Variants in ZSCAN5A observed in about 807,000 individuals in gnomAD.
ZSCAN5A encodes zinc finger and SCAN domain containing 5A.
A neutral mutation model predicts 23.7 loss-of-function variants in ZSCAN5A; 12 were observed. The observed-to-expected ratio is 0.51, with a 90% CI of 0.32 to 0.82. The LOEUF (loss-of-function observed/expected upper bound fraction) is 0.82. Ranked by LOEUF, ZSCAN5A falls within the 40% of genes least tolerant of loss-of-function variation. The pLI is 0.03. For missense variants in ZSCAN5A, 597 were observed against 617.9 expected (o/e 0.97, Z 0.36); for synonymous variants, 257 against 239.9 (o/e 1.07, Z -0.66).
At chr19:56,355,087 C>CA (rs2041693152) in intron 2 of ZSCAN5A, among the ~76,000 whole-genome samples, 6 of 149,718 alleles carry the variant, frequency 4.0e-5, no homozygotes, top group Admixed American at 6.6e-5. Flanking sequence ...ATTTGAAACC[C>CA]AACGTGGTTT....
At chr19:56,285,152 T>C (rs1201566561) in intron 2 of ZSCAN5A, 3 of 333,292 alleles carry the variant, frequency 9.0e-6, no homozygotes, top group Non-Finnish European at 1.3e-5. Flanking sequence ...CAAGCACATG[T>C]TTTGTTTGAA....
chr19:56,327,942 T>C (rs1435440771), intron 2 of ZSCAN5A, among the ~76,000 whole-genome samples: 1 of 143,504 alleles, frequency 7.0e-6, no homozygotes, highest in Non-Finnish European at 1.5e-5. Flanking sequence ...TATGATAGTA[T>C]ACATGATATA....
At chr19:56,271,420 G>C (rs2037838689) in intron 2 of ZSCAN5A, among the ~76,000 whole-genome samples, 1 of 152,206 alleles carries the variant, frequency 6.6e-6, no homozygotes, top group Non-Finnish European at 1.5e-5. Context: ...AGCACCGGAT[G>C]TGAAAAGCCT....
At position 56,308,331 on chromosome 19, in the gene ZSCAN5A, CT is replaced by C. The variant is rs543582885; in HGVS notation, c.-128+4951del. 2.1e-4 allele frequency among the ~76,000 whole-genome samples: 30 copies of C among 144,664 alleles called. No individual in the cohort carries two copies. The East Asian group carries it at 2.4e-3, about 12-fold the overall frequency. 94.9% of individuals were successfully genotyped at this position (144,664 alleles called of 152,430 possible). A position where few individuals can be genotyped will look rare whatever the true frequency, so the allele number is the denominator to read the frequency against. On this transcript the variant is annotated intron_variant, in intron 2 of 5. Coordinates refer to ENST00000683990, the MANE Select transcript of ZSCAN5A (RefSeq NM_001322064.3). ...ACAGGCGTGAGCGGTGGCTCCCAGT[CT>C]TTTTTTTTTGAGATGGAGGCTCACT...
At chr19:56,302,530 CTCTT>C (rs1349521711) in intron 2 of ZSCAN5A, among the ~76,000 whole-genome samples, 2 of 24,502 alleles carry the variant, frequency 8.2e-5, no homozygotes, top group Non-Finnish European at 1.4e-4. Context: ...CCCTCCCTCC[CTCTT>C]CTTCCTCCCC....
At chr19:56,226,082 CA>C (rs1289651158) in intron 2 of ZSCAN5A, among the ~76,000 whole-genome samples, 1 of 152,058 alleles carries the variant, frequency 6.6e-6, no homozygotes, top group East Asian at 1.9e-4. Flanking sequence ...CGTCCAAGTT[CA>C]ACAGCTATGA....
chr19:56,331,461 C>T (rs2041487554), intron 2 of ZSCAN5A, among the ~76,000 whole-genome samples: 1 of 139,272 alleles, frequency 7.2e-6, no homozygotes. Flanking sequence ...TTTTTGTCAT[C>T]TATTATTTTT....
chr19:56,276,779 C>T lies in ZSCAN5A; in HGVS notation c.-128+36504G>A, dbSNP rs188982078. ...CTCGAACTCCTGACCTCAGGTGATC[C>T]GCCCACCTCGGCCTCCCAAAGTGCT... On this transcript the variant is annotated intron_variant, in intron 2 of 5. Transcript: ENST00000683990. Among the ~76,000 whole-genome samples, 233 of 151,994 alleles carry T rather than the reference C, an allele frequency of 1.5e-3. 1 individual carries two copies. Among genetic ancestry groups the T allele is most frequent in the Admixed American group, 2.4e-3 (36 of 15,268 alleles).
At chr19:56,334,242 C>T (rs1435627013) in intron 2 of ZSCAN5A, among the ~76,000 whole-genome samples, 1 of 152,134 alleles carries the variant, frequency 6.6e-6, no homozygotes, top group African/African-American at 2.4e-5. Context: ...GTTCTAGATG[C>T]CTGGAGGTCT....
At chr19:56,231,996 C>CTTTTTTTCTTT (rs2034511395) in intron 2 of ZSCAN5A, among the ~76,000 whole-genome samples, 1 of 124,986 alleles carries the variant, frequency 8.0e-6, no homozygotes, top group African/African-American at 3.0e-5. Context: ...TTTTTCTTTT[C>CTTTTTTTCTTT]TTTTTTTTTG....
intron 2 of ZSCAN5A, among the ~76,000 whole-genome samples, chr19:56,307,595 G>C (rs2040777646): frequency 1.3e-5 from 2 of 152,134 alleles, no homozygotes; most frequent in African/African-American, 4.8e-5. Context: ...GTATCTTGCA[G>C]TGTTTCCTTT....
intron 2 of ZSCAN5A, among the ~76,000 whole-genome samples, chr19:56,225,987 A>G (rs1385725664): frequency 6.6e-6 from 1 of 151,826 alleles, no homozygotes; most frequent in Non-Finnish European, 1.5e-5. Context: ...GGGTTGATAC[A>G]ATAATAAGAT....
chr19:56,283,706 T>C (rs2038887950), intron 2 of ZSCAN5A: 1 of 152,226 alleles, frequency 6.6e-6, no homozygotes, highest in Non-Finnish European at 1.5e-5. Flanking sequence ...TTTGAGTTCC[T>C]GCTTTTTCAC....
chr19:56,357,592 ATCAAAT>A (rs2041707196), intron 2 of ZSCAN5A, among the ~76,000 whole-genome samples: 1 of 147,866 alleles, frequency 6.8e-6, no homozygotes, highest in Admixed American at 6.7e-5. Context: ...ATGAAAAAAA[ATCAAAT>A]TCAAATTGAA....
At chr19:56,259,561 G>T (rs912073106) in intron 2 of ZSCAN5A, among the ~76,000 whole-genome samples, 1 of 152,184 alleles carries the variant, frequency 6.6e-6, no homozygotes, top group Non-Finnish European at 1.5e-5. Context: ...TATGCTTGTG[G>T]CGTGTGTACT....
intron 2 of ZSCAN5A, chr19:56,343,539 G>A (rs989449953): frequency 5.6e-5 from 21 of 373,460 alleles, no homozygotes; most frequent in African/African-American, 1.1e-4. Flanking sequence ...TTTCATTGAC[G>A]GCTCACAACA....
At chr19:56,346,417 G>A (rs1174843693) in intron 2 of ZSCAN5A, among the ~76,000 whole-genome samples, 2 of 151,806 alleles carry the variant, frequency 1.3e-5, no homozygotes, top group Non-Finnish European at 2.9e-5. Context: ...CATTAGGGGA[G>A]CAGGGCAAAA....
intron 2 of ZSCAN5A, among the ~76,000 whole-genome samples, chr19:56,326,499 G>GT (rs762667238): frequency 6.6e-6 from 1 of 151,754 alleles, no homozygotes; most frequent in Non-Finnish European, 1.5e-5. Flanking sequence ...TCCACCCCTG[G>GT]TAACTGCCAT....
intron 2 of ZSCAN5A, chr19:56,228,292 T>G (rs2034149824): frequency 1.0e-6 from 1 of 985,270 alleles, no homozygotes; most frequent in South Asian, 4.7e-5. Flanking sequence ...CGGTCTGGGA[T>G]GCGCTCTCCA....
Sources: gnomAD v4.1 joint callset for allele counts (sites outside exome capture counted in the v4.1 genomes callset) on GRCh38, gnomAD v4.1.1 for gene constraint, MANE v1.5 for transcripts, NCBI Gene and HGNC (gene_info 2026-07-23, HGNC 2026-07-21) for gene names.